The following ITIH2 variants were observed in gnomAD, a reference collection of about 807,000 sequenced individuals.
ITIH2 encodes the protein inter-alpha-trypsin inhibitor heavy chain H2.
ITIH2 carries 103 observed loss-of-function variants against 104.4 expected under a neutral mutation model. That is an observed-to-expected ratio of 0.99 (90% CI 0.84 to 1.16). The LOEUF (loss-of-function observed/expected upper bound fraction) is 1.16. ITIH2 is among the 50% of genes most tolerant of loss of function. The pLI is 0.00. For missense variants in ITIH2, 1,108 were observed against 1,162.4 expected (o/e 0.95, Z 0.68); for synonymous variants, 436 against 435.4 (o/e 1.00, Z -0.02).
chr10:7,730,222 T>C lies in ITIH2; in HGVS notation c.1461+89T>C, dbSNP rs548982642. On this transcript the variant is annotated intron_variant, in intron 12 of 20. Coordinates refer to ENST00000358415, the MANE Select transcript of ITIH2 (RefSeq NM_002216.3). ...TGCAGGTATGATGCATAACTGAACT[T>C]AACTCAAAATGGTCATGATCTCAGC... The C allele has an allele frequency of 1.6e-5, 16 of 980,596 alleles. No individual in the cohort carries two copies. In the African/African-American group the frequency reaches 2.5e-4, roughly 15 times the overall value. 60.7% of individuals were successfully genotyped at this position (980,596 alleles called of 1,614,324 possible).
intron 3 of ITIH2, among the ~76,000 whole-genome samples, chr10:7,708,388 G>C (rs774848757): frequency 3.0e-4 from 45 of 152,186 alleles, no homozygotes; most frequent in Non-Finnish European, 5.0e-4. Flanking sequence ...AGGAGGTCCA[G>C]AGTGTTGGAC....
In ITIH2 at chr10:7,720,889, AG is replaced by A. The variant is rs771766432; in HGVS notation, c.665del (p.Arg222AsnfsTer34). ...GTGGGTTATCGAACCACAGGGACTG[AG>A]ATTTCTTCATGTTCCCGACACATTT... ...DVWVIEPQGL[R>X]FLHVPDTFEG... On this transcript the variant is annotated frameshift_variant, in exon 7 of 21. Transcript: ENST00000358415. LOFTEE classifies it high-confidence loss of function. 4 of 1,613,532 alleles carry A rather than the reference AG, an allele frequency of 2.5e-6. No homozygotes were observed. The highest frequency in any genetic ancestry group is 3.4e-6 in the Non-Finnish European group (4 of 1,179,464).
intron 10 of ITIH2, 152 bp from the exon 11 acceptor site, chr10:7,727,551 C>G (rs1036086496): frequency 1.1e-6 from 1 of 893,314 alleles, no homozygotes. Context: ...AGCTTGAGCA[C>G]AGTTTGTGTC....
At chr10:7,735,826 C>A (rs1835050600) in intron 15 of ITIH2, among the ~76,000 whole-genome samples, 1 of 151,934 alleles carries the variant, frequency 6.6e-6, no homozygotes, top group Non-Finnish European at 1.5e-5. Flanking sequence ...GCATGTGCCA[C>A]CACGCCCAGC....
chr10:7,715,375 T>C (rs1201225228), intron 5 of ITIH2, among the ~76,000 whole-genome samples: 2 of 152,084 alleles, frequency 1.3e-5, no homozygotes, highest in South Asian at 2.1e-4. Context: ...GAGTCGACAT[T>C]GTGCCACTGC....
intron 5 of ITIH2, 94 bp from the exon 6 acceptor site, chr10:7,717,532 G>C: frequency 8.7e-7 from 1 of 1,146,378 alleles, no homozygotes; most frequent in Non-Finnish European, 1.3e-6. Context: ...CAGAACGGAC[G>C]GTCCAGGAAA....
intron 10 of ITIH2, among the ~76,000 whole-genome samples, chr10:7,727,414 C>A (rs1834960394): frequency 6.6e-6 from 1 of 152,164 alleles, no homozygotes; most frequent in Non-Finnish European, 1.5e-5. Flanking sequence ...AGTATCTTGG[C>A]AAGGCTGATT....
intron 4 of ITIH2, among the ~76,000 whole-genome samples, chr10:7,710,970 G>A (rs893737838): frequency 1.3e-5 from 2 of 149,158 alleles, no homozygotes; most frequent in African/African-American, 4.9e-5. Context: ...TGTGCAGAAT[G>A]TATAGGTTTG....
chr10:7,741,320 T>C (rs1391994452), intron 16 of ITIH2, among the ~76,000 whole-genome samples: 1 of 151,768 alleles, frequency 6.6e-6, no homozygotes, highest in Non-Finnish European at 1.5e-5. Flanking sequence ...CTGGGATTAC[T>C]GGTGCCCGCC....
chr10:7,729,324 C>T (rs754405021), intron 11 of ITIH2, among the ~76,000 whole-genome samples: 6 of 151,466 alleles, frequency 4.0e-5, no homozygotes, highest in Non-Finnish European at 5.9e-5. Flanking sequence ...AAAAAAAAAA[C>T]AAAATTAAAC....
chr10:7,746,598 T>G lies in ITIH2; in HGVS notation c.2587T>G (p.Phe863Val), dbSNP rs1470372538. ...SPKAHGLIGQ[F>V]MQEPKIHIFN... Reference sequence around the variant, plus strand: ...GTCTGATTCTGTTTTGCTAGGCCAGTTCATGCAGGAACCAAAGATACACAT... The same window carrying G: ...GTCTGATTCTGTTTTGCTAGGCCAGGTCATGCAGGAACCAAAGATACACAT... The change falls in exon 20 of 21, where the codon TTC becomes GTC. Residue 863 changes from phenylalanine (F) to valine (V), a missense_variant. Coordinates refer to ENST00000358415, the MANE Select transcript of ITIH2 (RefSeq NM_002216.3). 1.2e-6 allele frequency: 2 copies of G among 1,609,224 alleles called. No individual in the cohort carries two copies. The highest frequency in any genetic ancestry group is 3.3e-5 in the Admixed American group (2 of 59,944).
chr10:7,743,285 C>T (rs749156156), intron 17 of ITIH2, 26 bp downstream of exon 17: 2 of 1,199,892 alleles, frequency 1.7e-6, no homozygotes, highest in South Asian at 1.3e-5. Context: ...ATTATATTTG[C>T]ACCAATTAGG....
chr10:7,734,617 C>T, intron 14 of ITIH2, among the ~76,000 whole-genome samples: 1 of 152,114 alleles, frequency 6.6e-6, no homozygotes, highest in South Asian at 2.1e-4. Context: ...ATCTCTTGAG[C>T]CCAGGAGGTT....
chr10:7,734,868 C>T (rs1926937), intron 14 of ITIH2, 54 bp from the exon 15 acceptor site: 834,942 of 1,498,182 alleles, frequency 0.56, 241,051 homozygotes, highest in Non-Finnish European at 0.61. Context: ...AGCTGACTTG[C>T]GCTCCCCCTC....
chr10:7,718,687 C>A (rs1279648499), intron 6 of ITIH2, among the ~76,000 whole-genome samples: 1 of 152,192 alleles, frequency 6.6e-6, no homozygotes, highest in Non-Finnish European at 1.5e-5. Context: ...CCCTCCCTCA[C>A]CCTCGAGTAG....
In ITIH2 at chr10:7,721,501, C is replaced by T. The variant is rs1834902179; in HGVS notation, c.739-148C>T. ...GCTCCCTGCAAAAGCCCTGGCATGT[C>T]CTTCCCATCAGTAATGGGTCCACCG... On this transcript the variant is annotated intron_variant, in intron 7 of 20. Coordinates refer to ENST00000358415, the MANE Select transcript of ITIH2 (RefSeq NM_002216.3). 4 of 660,984 alleles carry T rather than the reference C, an allele frequency of 6.1e-6. No homozygotes were observed. The Admixed American group carries it at 1.1e-4, about 18-fold the overall frequency. The allele number at this position is 660,984 out of a possible 1,614,324, so 40.9% of individuals were successfully genotyped here. A position where few individuals can be genotyped will look rare whatever the true frequency, so the allele number is the denominator to read the frequency against.
Position 7,743,159 on chromosome 10 carries a change from A to G in ITIH2, c.2109A>G (p.Pro703=). Residue 703 remains proline (P), a synonymous_variant, in exon 17 of 21, where the codon CCA becomes CCG. Transcript: ENST00000358415. ...TATATTTTCCAGTTGAAAATGACCC[A>G]CATTTCATCATTTATCTACCAAAAA... ...PPHVMRVEND[P]HFIIYLPKSQ... 6.5e-7 allele frequency: 1 copy of G among 1,537,724 alleles called. No homozygotes were observed. The highest frequency in any genetic ancestry group is 8.9e-7 in the Non-Finnish European group (1 of 1,126,144).
At chr10:7,731,409 T>G (rs1488384968) in intron 12 of ITIH2, among the ~76,000 whole-genome samples, 2 of 152,226 alleles carry the variant, frequency 1.3e-5, no homozygotes, top group Admixed American at 1.3e-4. Context: ...TTAAGAGGTA[T>G]CTGCTGATTC....
At position 7,749,206 on chromosome 10, in the gene ITIH2, A is replaced by G. The variant is rs761616110; in HGVS notation, c.2713A>G (p.Arg905Gly). 6.2e-7 allele frequency: 1 copy of G among 1,614,186 alleles called. No individual in the cohort carries two copies. Among genetic ancestry groups the G allele is most frequent in the Non-Finnish European group, 8.5e-7 (1 of 1,180,036 alleles). ...TTGCAGGGGCTTACAGAAAGACTAC[A>G]GAACGGATCTAGTGTTTGGAACGGA... ...IITRGLQKDY[R>G]TDLVFGTDVT... is the part of the protein sequence containing the mutation. The change falls in exon 21 of 21, where the codon AGA (arginine) becomes GGA (glycine). Residue 905 changes from arginine (R) to glycine (G), a missense_variant. By Grantham distance (125) the Arg-to-Gly change is moderately radical. Coordinates refer to ENST00000358415, the MANE Select transcript of ITIH2 (RefSeq NM_002216.3).
Sources: gnomAD v4.1 joint callset for allele counts (sites outside exome capture counted in the v4.1 genomes callset) on GRCh38, gnomAD v4.1.1 for gene constraint, MANE v1.5 for transcripts, NCBI Gene and HGNC (gene_info 2026-07-23, HGNC 2026-07-21) for gene names.